KIFC3: variants seen among roughly 807,000 people sequenced by gnomAD.
The protein encoded by KIFC3 is kinesin-like protein KIFC3.
A neutral mutation model predicts 101.8 loss-of-function variants in KIFC3; 60 were observed. The ratio of observed to expected loss-of-function variants is 0.59; its 90% CI spans 0.48 to 0.73. KIFC3 has a LOEUF of 0.73. KIFC3 is among the 30% of genes least tolerant of loss of function. The pLI is 0.00. For synonymous variants in KIFC3, 476 were observed against 482.7 expected, an observed-to-expected ratio of 0.99 and a Z score of 0.18; for missense variants, 966 against 1,137.1, an observed-to-expected ratio of 0.85 and a Z score of 2.16.
At chr16:57,815,509 A>T in intron 1 of KIFC3, 1 of 1,273,602 alleles carries the variant, frequency 7.9e-7, no homozygotes, top group Non-Finnish European at 1.0e-6. Context: ...CTGGGACCAC[A>T]TCAGCACCTG....
intron 11 of KIFC3, chr16:57,764,513 T>C: frequency 2.2e-6 from 1 of 458,874 alleles, no homozygotes; most frequent in Non-Finnish European, 4.0e-6. Flanking sequence ...TCTCAAAGAG[T>C]GCTCAGCACA....
rs782704437 is a variant in KIFC3, at chr16:57,798,093, C to A, written c.151G>T (p.Gly51Cys). The change falls in exon 2 of 20, where the codon GGC (glycine) becomes TGC (cysteine). Residue 51 changes from glycine (G) to cysteine (C), a missense_variant. Transcript: ENST00000445690. The stretch of plus-strand genomic sequence containing the variant: ...TCACCAGTTCTCAACCTCCCCGGGC[C>A]GGTGTGTGGGAAAGGGCGGGCGGCC... ...SPAARPFPHTGPGRLRTGRGK... is the reference protein window; with the variant it reads ...SPAARPFPHTCPGRLRTGRGK... 4 of 1,592,418 alleles carry A rather than the reference C, an allele frequency of 2.5e-6. No homozygotes were observed. The highest frequency in any genetic ancestry group is 1.3e-5 in the African/African-American group (1 of 74,534).
intron 1 of KIFC3, among the ~76,000 whole-genome samples, chr16:57,834,625 C>T (rs967199707): frequency 2.0e-5 from 3 of 152,188 alleles, no homozygotes; most frequent in African/African-American, 7.2e-5. Flanking sequence ...AATCCTCCCA[C>T]CTCAGCCTCC....
intron 2 of KIFC3, among the ~76,000 whole-genome samples, chr16:57,795,884 G>GTTTTTT (rs797031930): frequency 1.2e-4 from 7 of 58,778 alleles, no homozygotes; most frequent in Non-Finnish European, 2.0e-4. Context: ...GGGCTTTTTT[G>GTTTTTT]TTTTTTTTTT....
At position 57,788,649 on chromosome 16, in the gene KIFC3, T is replaced by C. The variant is rs577581271; in HGVS notation, c.315+6350A>G. ...CCGCCTGGGGGCCGGCGCCTGTCTC[T>C]TCCAAAGCTTCTCTTCTTTCGTCCC... On this transcript the variant is annotated intron_variant, in intron 3 of 19. Transcript: ENST00000445690. 1,099 of 1,289,648 alleles carry C rather than the reference T, an allele frequency of 8.5e-4. 2 individuals are homozygous for C. The highest frequency in any genetic ancestry group is 1.0e-3 in the Non-Finnish European group (1,032 of 988,696). 79.9% of individuals were successfully genotyped at this position (1,289,648 alleles called of 1,614,324 possible).
intron 3 of KIFC3, chr16:57,775,140 G>A: frequency 7.3e-7 from 1 of 1,370,240 alleles, no homozygotes; most frequent in Non-Finnish European, 9.4e-7. Context: ...GGGAACCTGG[G>A]GGCTCCTGGG....
chr16:57,787,684 C>A (rs566852112), intron 3 of KIFC3, among the ~76,000 whole-genome samples: 1 of 152,126 alleles, frequency 6.6e-6, no homozygotes, highest in African/African-American at 2.4e-5. Flanking sequence ...CTCTTCTCAG[C>A]GCACAATCAG....
intron 1 of KIFC3, among the ~76,000 whole-genome samples, chr16:57,800,896 G>A (rs782193684): frequency 6.6e-6 from 1 of 152,114 alleles, no homozygotes; most frequent in Non-Finnish European, 1.5e-5. Context: ...GATTCGTGGG[G>A]GAGGGCAGTG....
chr16:57,802,078 C>T lies in KIFC3; in HGVS notation c.-40+292G>A, dbSNP rs1162098569. On this transcript the variant is annotated intron_variant, in intron 1 of 19. Coordinates refer to ENST00000445690, the MANE Select transcript of KIFC3 (RefSeq NM_001130100.2). The surrounding 1 kb of genome is among the most constrained non-coding windows in gnomAD (Gnocchi z 5.0). ...TTGACAAGCCCATCCCGGGTAGGGT[C>T]TGCGCTCTTCTCGTTCAATAAAATC... Among the ~76,000 whole-genome samples the T allele has an allele frequency of 6.6e-6, 1 of 152,240 alleles. No individual in the cohort carries two copies. The highest frequency in any genetic ancestry group is 1.9e-4 in the East Asian group (1 of 5,196).
chr16:57,852,557 T>C (rs1331072803), intron 1 of KIFC3, among the ~76,000 whole-genome samples: 17 of 152,178 alleles, frequency 1.1e-4, no homozygotes, highest in Non-Finnish European at 4.4e-5. Flanking sequence ...TCGTCTACTG[T>C]TTTTCCTCTT....
intron 3 of KIFC3, chr16:57,774,735 C>T (rs1392617583): frequency 5.6e-6 from 3 of 538,426 alleles, no homozygotes; most frequent in Non-Finnish European, 8.9e-6. Context: ...CCATTTTGCC[C>T]AAGCTGGCCT....
chr16:57,795,884 GTT>G (rs797031930), intron 2 of KIFC3, among the ~76,000 whole-genome samples: 13,615 of 58,578 alleles, frequency 0.23, 698 homozygotes, highest in Middle Eastern at 0.34. Flanking sequence ...GGGCTTTTTT[GTT>G]TTTTTTTTTT....
At chr16:57,836,885 G>A (rs1371022142) in intron 1 of KIFC3, among the ~76,000 whole-genome samples, 1 of 152,000 alleles carries the variant, frequency 6.6e-6, no homozygotes, top group African/African-American at 2.4e-5. Flanking sequence ...GTAGAGATAG[G>A]GTCTTGTGGT....
At chr16:57,768,909 A>G (rs1320784580) in intron 9 of KIFC3, among the ~76,000 whole-genome samples, 2 of 152,202 alleles carry the variant, frequency 1.3e-5, no homozygotes, top group East Asian at 3.9e-4. Flanking sequence ...GCTCACACCA[A>G]TAATCTCAGC....
At chr16:57,857,861 C>G (rs2056210663) in intron 1 of KIFC3, among the ~76,000 whole-genome samples, 1 of 112,846 alleles carries the variant, frequency 8.9e-6, no homozygotes, top group Admixed American at 1.3e-4. Context: ...GAGTCTCTCT[C>G]TGTCGCCCAG....
At chr16:57,783,024 T>C (rs1310381489) in intron 3 of KIFC3, among the ~76,000 whole-genome samples, 2 of 152,170 alleles carry the variant, frequency 1.3e-5, no homozygotes, top group African/African-American at 2.4e-5. Context: ...CCTAAGTCAC[T>C]TGTGGGAGTG....
At chr16:57,798,342 G>A (rs1000599581) in intron 1 of KIFC3, 60 bp from the exon 2 acceptor site, 4 of 1,453,178 alleles carry the variant, frequency 2.8e-6, no homozygotes, top group Non-Finnish European at 3.7e-6. Context: ...ACTGCACCTC[G>A]GGCAGAGCCA....
At chr16:57,822,395 C>G (rs1156812533) in intron 1 of KIFC3, among the ~76,000 whole-genome samples, 2 of 152,172 alleles carry the variant, frequency 1.3e-5, no homozygotes, top group Admixed American at 1.3e-4. Flanking sequence ...AATAACTGGC[C>G]TGTCCTCTTT....
At chr16:57,831,007 G>A (rs537583482) in intron 1 of KIFC3, among the ~76,000 whole-genome samples, 6 of 152,304 alleles carry the variant, frequency 3.9e-5, no homozygotes, top group East Asian at 1.9e-4. Context: ...CAATTAAGGC[G>A]TCACCAGAGT....
Sources: gnomAD v4.1 joint callset for allele counts (sites outside exome capture counted in the v4.1 genomes callset) on GRCh38, gnomAD v4.1.1 for gene constraint, Gnocchi (gnomAD v3.1) non-coding constraint, MANE v1.5 for transcripts, NCBI Gene and HGNC (gene_info 2026-07-23, HGNC 2026-07-21) for gene names.